IMMT: variants seen among roughly 807,000 people sequenced by gnomAD.
IMMT encodes the protein MICOS complex subunit MIC60.
Under a neutral mutation model 92.7 loss-of-function variants are expected in IMMT, and 40 were observed. The observed-to-expected ratio is 0.43, with a 90% CI of 0.34 to 0.56. The LOEUF (loss-of-function observed/expected upper bound fraction) is 0.56. IMMT is among the 20% of genes least tolerant of loss of function. IMMT has a pLI of 0.03. For synonymous variants in IMMT, 322 were observed against 336.1 expected (o/e 0.96, Z 0.46); for missense variants, 831 against 912.1 (o/e 0.91, Z 1.14).
At chr2:86,147,292 A>G (rs1051913079) in intron 13 of IMMT, among the ~76,000 whole-genome samples, 3 of 152,152 alleles carry the variant, frequency 2.0e-5, no homozygotes, top group African/African-American at 7.2e-5. Context: ...TAACAAGTTA[A>G]TATTACTGTA....
chr2:86,149,782 A>T (rs1187804785), intron 12 of IMMT, among the ~76,000 whole-genome samples: 2 of 151,632 alleles, frequency 1.3e-5, no homozygotes, highest in Non-Finnish European at 2.9e-5. Context: ...GGAGGCTGAG[A>T]GGCACAAGAA....
chr2:86,180,136 A>G (rs1352077983), intron 2 of IMMT, among the ~76,000 whole-genome samples: 1 of 152,302 alleles, frequency 6.6e-6, no homozygotes, highest in Non-Finnish European at 1.5e-5. Context: ...TTTTAAATAC[A>G]ATATCTAGAA....
At chr2:86,170,258 A>C (rs887454020) in intron 6 of IMMT, among the ~76,000 whole-genome samples, 1 of 152,138 alleles carries the variant, frequency 6.6e-6, no homozygotes, top group African/African-American at 2.4e-5. Flanking sequence ...TCTATAAAAA[A>C]TTTTTAAAAA....
At chr2:86,170,912 A>T (rs1677039765) in intron 5 of IMMT, 68 bp from the exon 6 acceptor site, 6 of 1,218,860 alleles carry the variant, frequency 4.9e-6, no homozygotes, top group Non-Finnish European at 5.8e-6. Context: ...ACAGGGATAT[A>T]AAAAAAGCAT....
At chr2:86,191,658 C>G (rs1485555618) in intron 1 of IMMT, among the ~76,000 whole-genome samples, 1 of 150,978 alleles carries the variant, frequency 6.6e-6, no homozygotes, top group Non-Finnish European at 1.5e-5. Flanking sequence ...AATCCCAGCA[C>G]TTTGGGAGGC....
At chr2:86,150,161 G>A (rs1675361975) in intron 12 of IMMT, among the ~76,000 whole-genome samples, 1 of 152,184 alleles carries the variant, frequency 6.6e-6, no homozygotes, top group African/African-American at 2.4e-5. Context: ...TCTGTTTGGA[G>A]CATGATAAGC....
intron 12 of IMMT, among the ~76,000 whole-genome samples, chr2:86,150,635 C>T (rs1373787163): frequency 6.6e-6 from 1 of 152,188 alleles, no homozygotes; most frequent in African/African-American, 2.4e-5. Context: ...CCACCAACCA[C>T]TTAACAACAA....
At chr2:86,158,452 G>T (rs1474143895) in intron 10 of IMMT, 140 bp downstream of exon 10, 2 of 618,604 alleles carry the variant, frequency 3.2e-6, no homozygotes, top group Admixed American at 2.9e-5. Context: ...AATGACTGTG[G>T]TTAAAATAAA....
chr2:86,187,947 A>G lies in IMMT; in HGVS notation c.46-6575T>C, dbSNP rs568833712. Among the ~76,000 whole-genome samples, 14 of 151,960 alleles carry G rather than the reference A, an allele frequency of 9.2e-5. No homozygotes were observed. The East Asian group carries it at 2.7e-3, about 29-fold the overall frequency. On this transcript the variant is annotated intron_variant, in intron 1 of 14. Transcript: ENST00000410111. The stretch of plus-strand genomic sequence containing the variant: ...AAAAAAAAGTTACTGAGACACCACT[A>G]AACTATTTTTTCACAGCAGCTGTAC...
chr2:86,154,190 T>TTG (rs1452197891), intron 10 of IMMT, among the ~76,000 whole-genome samples: 1 of 150,986 alleles, frequency 6.6e-6, no homozygotes, highest in Non-Finnish European at 1.5e-5. Flanking sequence ...TTTTTTTTTT[T>TTG]GAGACAGAGT....
rs958082215 is a variant in IMMT, at chr2:86,144,198, C to G, written c.*70G>C. The G allele has an allele frequency of 1.3e-6, 2 of 1,553,716 alleles. No homozygotes were observed. The highest frequency in any genetic ancestry group is 2.3e-5 in the East Asian group (1 of 44,338). Reference sequence around the variant, plus strand: ...CTAGACAAGTCCGGGACTCTCGCTGCGAACCCTTCATCTATCACTGCTGAT... The same window carrying G: ...CTAGACAAGTCCGGGACTCTCGCTGGGAACCCTTCATCTATCACTGCTGAT... On this transcript the variant is annotated 3_prime_UTR_variant, in exon 15 of 15. Transcript: ENST00000410111.
chr2:86,144,875 G>A lies in IMMT; in HGVS notation c.1670C>T (p.Ala557Val), dbSNP rs1223370775. The change falls in exon 15 of 15, where the codon GCA becomes GTA. Residue 557 changes from alanine to valine, a missense_variant. Ala to Val is a moderately conservative substitution (Grantham distance 64, BLOSUM62 0). Transcript: ENST00000410111. ...TTTTCTGGCTTCCTCTTCAGCAACT[G>A]CATGGCCTACAAAGAAAAAAAGGCA... is the stretch of plus-strand genomic sequence containing the variant. Reference protein sequence around the residue: ...RGIEQAVQSHAVAEEEARKAH... With the variant: ...RGIEQAVQSHVVAEEEARKAH... 1 of 1,592,706 alleles carries A rather than the reference G, an allele frequency of 6.3e-7. No individual in the cohort carries two copies. The highest frequency in any genetic ancestry group is 2.2e-5 in the East Asian group (1 of 44,626).
At position 86,165,937 on chromosome 2, in the gene IMMT, T is replaced by G. The variant is rs150643662; in HGVS notation, c.792+571A>C. Among the ~76,000 whole-genome samples, 644 of 152,340 alleles carry G rather than the reference T, an allele frequency of 4.2e-3. 5 individuals carry two copies. The highest frequency in any genetic ancestry group is 0.014 in the African/African-American group (586 of 41,580). On this transcript the variant is annotated intron_variant, in intron 7 of 14. Transcript: ENST00000410111. Reference sequence around the variant, plus strand: ...TTAAAATATGAAAGCAAATCTGAACTAATTCTTGCGCTGCATCGGTGTTGT... The same window carrying G: ...TTAAAATATGAAAGCAAATCTGAACGAATTCTTGCGCTGCATCGGTGTTGT...
At chr2:86,161,253 C>T (rs867624351) in intron 8 of IMMT, among the ~76,000 whole-genome samples, 12 of 152,024 alleles carry the variant, frequency 7.9e-5, no homozygotes, top group Non-Finnish European at 5.9e-5. Flanking sequence ...CCTCCACCTC[C>T]GGGGTTCAAG....
At chr2:86,144,958 C>T in intron 14 of IMMT, 77 bp from the exon 15 acceptor site, 1 of 1,465,040 alleles carries the variant, frequency 6.8e-7, no homozygotes, top group South Asian at 1.4e-5. Context: ...GATGCACATT[C>T]AACAAGCTAC....
intron 1 of IMMT, 80 bp from the exon 2 acceptor site, chr2:86,181,452 AC>A: frequency 1.1e-6 from 1 of 905,132 alleles, no homozygotes; most frequent in South Asian, 1.5e-5. Context: ...CAGAAATAAT[AC>A]TTTTATTAAA....
chr2:86,173,514 AG>A (rs1425188801), intron 4 of IMMT, 135 bp downstream of exon 4: 6 of 604,424 alleles, frequency 9.9e-6, no homozygotes, highest in African/African-American at 7.5e-5. Context: ...TGGGAGGTGG[AG>A]GCTGCGGTGA....
At chr2:86,148,306 G>C (rs1022116054) in intron 12 of IMMT, among the ~76,000 whole-genome samples, 4 of 152,156 alleles carry the variant, frequency 2.6e-5, no homozygotes, top group African/African-American at 9.7e-5. Context: ...CTACTTTGAA[G>C]AATCATTAAG....
intron 10 of IMMT, among the ~76,000 whole-genome samples, chr2:86,154,157 C>T (rs1186923523): frequency 2.7e-5 from 4 of 150,270 alleles, no homozygotes; most frequent in Admixed American, 6.7e-5. Flanking sequence ...AGCCACTGCA[C>T]CCAGCAACCT....
Sources: allele counts gnomAD v4.1 joint callset (sites outside exome capture counted in the v4.1 genomes callset), GRCh38; gene constraint gnomAD v4.1.1; transcripts MANE v1.5; gene names NCBI Gene and HGNC (gene_info 2026-07-23, HGNC 2026-07-21).